Variants in CENPE observed in about 807,000 individuals in gnomAD.
The protein encoded by CENPE is centromere protein E.
CENPE carries 145 observed loss-of-function variants against 336.1 expected under a neutral mutation model. That is an observed-to-expected ratio of 0.43 (90% confidence interval 0.38 to 0.50). The LOEUF (loss-of-function observed/expected upper bound fraction) is 0.50, where lower values mean the gene tolerates loss of function less well. CENPE is among the 20% of genes least tolerant of loss of function. The probability of loss-of-function intolerance (pLI) is 0.00; values close to 1 mark genes in which losing one functional copy is unlikely to be tolerated. For missense variants in CENPE, 2,719 were observed against 3,023.3 expected (o/e 0.90, Z 2.36); for synonymous variants, 1,013 against 984.8 (o/e 1.03, Z -0.54).
chr4:103,169,082 T>C (rs1243240645), intron 16 of CENPE, among the ~76,000 whole-genome samples: 16 of 151,892 alleles, frequency 1.1e-4, no homozygotes, highest in African/African-American at 2.9e-4. Context: ...AATCCAGAAA[T>C]TTATCAAGGA....
At chr4:103,167,299 A>G (rs2125989398) in intron 16 of CENPE, among the ~76,000 whole-genome samples, 1 of 152,316 alleles carries the variant, frequency 6.6e-6, no homozygotes, top group South Asian at 2.1e-4. Context: ...TATACAAACT[A>G]TAAGGAAACA....
chr4:103,140,859 C>T lies in CENPE; in HGVS notation c.5709G>A (p.Leu1903=). 2 of 1,606,036 alleles carry T rather than the reference C, an allele frequency of 1.2e-6. No individual in the cohort carries two copies. The highest frequency in any genetic ancestry group is 1.1e-5 in the South Asian group (1 of 88,950). ...NLRRVEETLK[L]ERDQLKESLQ... ...GGCTTTCCTTGAGTTGGTCTCTCTC[C>T]AGTTTGAGTGTCTCCTCTACTCTTC... Residue 1903 remains leucine (L), a synonymous_variant, in exon 36 of 49, where the codon CTG becomes CTA. Coordinates refer to ENST00000265148, the MANE Select transcript of CENPE (RefSeq NM_001813.3).
At chr4:103,165,393 A>T (rs1464128227) in intron 16 of CENPE, among the ~76,000 whole-genome samples, 2 of 152,206 alleles carry the variant, frequency 1.3e-5, no homozygotes, top group African/African-American at 4.8e-5. Flanking sequence ...CCTCTAAAAC[A>T]TACTATTTAA....
intron 46 of CENPE, among the ~76,000 whole-genome samples, 177 bp from the exon 47 acceptor site, chr4:103,111,188 C>T (rs574788084): frequency 6.6e-6 from 1 of 152,280 alleles, no homozygotes; most frequent in African/African-American, 2.4e-5. Context: ...CTTATTTGAC[C>T]AACCATTAAT....
intron 1 of CENPE, 34 bp from the exon 2 acceptor site, chr4:103,196,884 C>T: frequency 1.0e-6 from 1 of 993,268 alleles, no homozygotes; most frequent in Non-Finnish European, 1.6e-6. Context: ...TTTAACCAGT[C>T]ATAAAAGTCA....
At position 103,196,179 on chromosome 4, in the gene CENPE, G is replaced by A. The variant is rs1226303476; in HGVS notation, c.222C>T (p.Ala74=). 1 of 1,613,612 alleles carries A rather than the reference G, an allele frequency of 6.2e-7. No individual in the cohort carries two copies. The highest frequency in any genetic ancestry group is 8.5e-7 in the Non-Finnish European group (1 of 1,179,586). Residue 74 remains alanine (A), a synonymous_variant, in exon 3 of 49, where the codon GCC becomes GCT. Transcript: ENST00000265148. ...AATACAAACCATTGTAGCCTTGTATGGCAGAATCGATGATTGGTGCTGCTA... is the reference window on the plus strand; with the variant it reads ...AATACAAACCATTGTAGCCTTGTATAGCAGAATCGATGATTGGTGCTGCTA... ...EEIAAPIIDS[A]IQGYNGTIFA...
At chr4:103,109,700 C>T (rs1023773484) in intron 47 of CENPE, among the ~76,000 whole-genome samples, 1 of 152,106 alleles carries the variant, frequency 6.6e-6, no homozygotes, top group Non-Finnish European at 1.5e-5. Flanking sequence ...CTAGTCCATG[C>T]TAAAATTACT....
chr4:103,151,568 T>C (rs913368471), intron 25 of CENPE, among the ~76,000 whole-genome samples, 191 bp from the exon 26 acceptor site: 2 of 152,230 alleles, frequency 1.3e-5, no homozygotes, highest in Non-Finnish European at 2.9e-5. Flanking sequence ...TTTTATACTG[T>C]TTCTTTACTG....
At chr4:103,189,875 T>C (rs555804097) in intron 8 of CENPE, among the ~76,000 whole-genome samples, 23 of 152,166 alleles carry the variant, frequency 1.5e-4, no homozygotes, top group Non-Finnish European at 2.8e-4. Context: ...GATGACATGA[T>C]TGTGTATCTA....
At chr4:103,128,168 G>C (rs1355380280) in intron 42 of CENPE, among the ~76,000 whole-genome samples, 1 of 152,072 alleles carries the variant, frequency 6.6e-6, no homozygotes, top group African/African-American at 2.4e-5. Context: ...AAAACTATCA[G>C]GGATAAAGGG....
chr4:103,195,186 G>A lies in CENPE; in HGVS notation c.405C>T (p.Tyr135=). The A allele has an allele frequency of 6.3e-7, 1 of 1,585,896 alleles. No homozygotes were observed. Among genetic ancestry groups the A allele is most frequent in the African/African-American group, 1.4e-5 (1 of 73,454 alleles). ...FLLRVSYMEI[Y]NETITDLLCG... ...AGAGTAAATCTGTAATGGTTTCATT[G>A]TATATTTCCATGTAAGATACACGTA... is the stretch of plus-strand genomic sequence containing the variant. Residue 135 remains tyrosine, a synonymous_variant, in exon 5 of 49, where the codon TAC becomes TAT. Transcript: ENST00000265148.
intron 16 of CENPE, among the ~76,000 whole-genome samples, chr4:103,167,505 T>C (rs2125989773): frequency 6.6e-6 from 1 of 152,202 alleles, no homozygotes; most frequent in South Asian, 2.1e-4. Flanking sequence ...AACATCTCAA[T>C]CTTAGAAAAA....
Position 103,165,918 on chromosome 4 carries a change from A to C in CENPE, c.1648-2365T>G, listed in dbSNP as rs371781991. Among the ~76,000 whole-genome samples the C allele has an allele frequency of 4.0e-4, 61 of 151,882 alleles. No individual in the cohort carries two copies. In the East Asian group the frequency reaches 7.1e-3, roughly 18 times the overall value. On this transcript the variant is annotated intron_variant, in intron 16 of 48. Coordinates refer to ENST00000265148, the MANE Select transcript of CENPE (RefSeq NM_001813.3). ...AGAAAAAAAAGAAAAAGAAATTTAA[A>C]AAGAACGGAGTAGGATTCTTCCTCC...
At chr4:103,122,568 C>T (rs1229418022) in intron 43 of CENPE, among the ~76,000 whole-genome samples, 2 of 152,130 alleles carry the variant, frequency 1.3e-5, no homozygotes, top group Non-Finnish European at 2.9e-5. Context: ...AACAGAAAGT[C>T]ACATAATTTG....
Position 103,138,366 on chromosome 4 carries a change from C to T in CENPE, c.6288G>A (p.Lys2096=). The T allele has an allele frequency of 8.7e-6, 14 of 1,611,496 alleles. No individual in the cohort carries two copies. The highest frequency in any genetic ancestry group is 1.1e-5 in the Non-Finnish European group (13 of 1,177,674). ...QQHLTESLRE[K]CSRIKELLKR... is the part of the protein sequence containing the mutation. ...GGGTACTTACTTTTATTCTAGAGCA[C>T]TTTTCTCTCAGGCTTTCCGTAAGGT... Residue 2096 remains lysine (K), a synonymous_variant, in exon 39 of 49, where the codon AAG becomes AAA. Transcript: ENST00000265148.
intron 16 of CENPE, among the ~76,000 whole-genome samples, chr4:103,171,227 T>A (rs1017766137): frequency 1.3e-5 from 2 of 152,076 alleles, no homozygotes; most frequent in African/African-American, 4.8e-5. Context: ...GAAAACACAT[T>A]CTTATCAACT....
intron 28 of CENPE, 150 bp downstream of exon 28, chr4:103,148,694 C>T (rs997484943): frequency 1.5e-5 from 10 of 681,810 alleles, no homozygotes. Flanking sequence ...TTTCTATAAC[C>T]TAGGAGTGTG....
chr4:103,150,867 C>T (rs1328700245), intron 26 of CENPE, among the ~76,000 whole-genome samples: 2 of 152,186 alleles, frequency 1.3e-5, no homozygotes, highest in Non-Finnish European at 2.9e-5. Flanking sequence ...ATGACTAATG[C>T]ATCTCTGCAA....
chr4:103,162,597 G>A (rs1049969826), intron 18 of CENPE, among the ~76,000 whole-genome samples: 5 of 149,180 alleles, frequency 3.4e-5, no homozygotes, highest in Admixed American at 3.3e-4. Context: ...TTTGGAGACA[G>A]AGTCTTGCTC....
Sources: gnomAD v4.1 joint callset for allele counts (sites outside exome capture counted in the v4.1 genomes callset) on GRCh38, gnomAD v4.1.1 for gene constraint, MANE v1.5 for transcripts, NCBI Gene and HGNC (gene_info 2026-07-23, HGNC 2026-07-21) for gene names.